NAV2: variants seen among roughly 807,000 people sequenced by gnomAD.
NAV2 encodes the protein helicase, APC down-regulated 1.
In NAV2, 54 loss-of-function variants were observed where a neutral mutation model predicts 223.2. The ratio of observed to expected loss-of-function variants is 0.24; its 90% confidence interval spans 0.19 to 0.30. NAV2 has a LOEUF of 0.30. Among genes scored for constraint, NAV2 ranks in the 10% least tolerant of loss-of-function variants. The pLI is 1.00. For missense variants in NAV2, 2,806 were observed against 3,147.5 expected (o/e 0.89, Z 2.60); for synonymous variants, 1,279 against 1,239.3 (o/e 1.03, Z -0.67).
At position 19,948,822 on chromosome 11, in the gene NAV2, A is replaced by G; in HGVS notation, c.2387A>G (p.Asp796Gly). Residue 796 changes from aspartate (D) to glycine (G), a missense_variant, in exon 10 of 38, where the codon GAC (aspartate) becomes GGC (glycine). This residue lies in a region of NAV2 where 1,167 missense variants were observed against 1,180.5 expected (regional missense o/e 0.99). Transcript: ENST00000349880. Reference protein sequence around the residue: ...GQSSPRLQAGDAPSMGNGYPP... With the variant: ...GQSSPRLQAGGAPSMGNGYPP... ...TCCAGCCCTCGGCTCCAAGCAGGAGACGCCCCCTCAATGGGCAATGGGTAT... is the reference window on the plus strand; with the variant it reads ...TCCAGCCCTCGGCTCCAAGCAGGAGGCGCCCCCTCAATGGGCAATGGGTAT... 6.2e-7 allele frequency: 1 copy of G among 1,613,812 alleles called. No homozygotes were observed. The highest frequency in any genetic ancestry group is 1.1e-5 in the South Asian group (1 of 91,054).
At chr11:19,731,448 G>A (rs145669534) in intron 1 of NAV2, among the ~76,000 whole-genome samples, 3 of 152,358 alleles carry the variant, frequency 2.0e-5, no homozygotes, top group African/African-American at 7.2e-5. Flanking sequence ...GACAGATGTA[G>A]GCTTTGCTCT....
At chr11:19,370,823 G>A (rs188462276) in intron 1 of NAV2, among the ~76,000 whole-genome samples, 19 of 152,318 alleles carry the variant, frequency 1.2e-4, no homozygotes, top group African/African-American at 4.6e-4. Flanking sequence ...ACATGCACCA[G>A]GAGACATGGC....
intron 11 of NAV2, among the ~76,000 whole-genome samples, chr11:20,018,714 G>A (rs1204810759): frequency 1.3e-5 from 2 of 152,156 alleles, no homozygotes; most frequent in Admixed American, 6.5e-5. Flanking sequence ...ACCTGTGCTC[G>A]AGGAGCTCCC....
At chr11:19,618,298 A>C (rs977765788) in intron 1 of NAV2, among the ~76,000 whole-genome samples, 3 of 150,674 alleles carry the variant, frequency 2.0e-5, no homozygotes, top group South Asian at 4.2e-4. Flanking sequence ...TGCTGGCTGG[A>C]TGGATTGCTG....
At chr11:19,633,536 G>T (rs986897349) in intron 1 of NAV2, among the ~76,000 whole-genome samples, 1 of 152,260 alleles carries the variant, frequency 6.6e-6, no homozygotes, top group African/African-American at 2.4e-5. Flanking sequence ...AGGGGAACCT[G>T]ACCCAACAGC....
rs866343618 is a variant in NAV2, at chr11:19,859,954, T to C, written c.439-8971T>C. Among the ~76,000 whole-genome samples, 210 of 61,100 alleles carry C rather than the reference T, an allele frequency of 3.4e-3. 1 individual carries two copies. The highest frequency in any genetic ancestry group is 0.017 in the Middle Eastern group (1 of 60). 40.1% of individuals were successfully genotyped at this position (61,100 alleles called of 152,430 possible). On this transcript the variant is annotated intron_variant, in intron 3 of 37. Transcript: ENST00000349880. The stretch of plus-strand genomic sequence containing the variant: ...CCCAGTAGGGGCGGCCGGGCAGAGG[T>C]GCCCCTCACCTCCCGGATGGGGCGG...
At chr11:19,633,803 C>A (rs2047414314) in intron 1 of NAV2, among the ~76,000 whole-genome samples, 1 of 152,186 alleles carries the variant, frequency 6.6e-6, no homozygotes, top group Non-Finnish European at 1.5e-5. Flanking sequence ...ACTGGGAGGA[C>A]CCCTGTTCAG....
At position 20,106,183 on chromosome 11, in the gene NAV2, G is replaced by GTATATATATATATA. The variant is rs1182631250; in HGVS notation, c.6841+490_6841+503dup. On this transcript the variant is annotated intron_variant, in intron 35 of 37. Transcript: ENST00000349880. ...TATATATATATATATATATGTGTGT[G>GTATATATATATATA]TATATATATATATATATATATATAT... 1.2e-4 allele frequency among the ~76,000 whole-genome samples: 3 copies of GTATATATATATATA among 25,522 alleles called. 1 individual carries two copies. The highest frequency in any genetic ancestry group is 1.9e-4 in the Non-Finnish European group (2 of 10,522). 16.7% of individuals were successfully genotyped at this position (25,522 alleles called of 152,430 possible). A position where few individuals can be genotyped will look rare whatever the true frequency, so the allele number is the denominator to read the frequency against.
intron 11 of NAV2, among the ~76,000 whole-genome samples, chr11:20,017,655 G>A (rs576511372): frequency 6.6e-6 from 1 of 152,228 alleles, no homozygotes; most frequent in African/African-American, 2.4e-5. Context: ...TCTAGTATCT[G>A]GCAAAGGTTT....
chr11:19,446,244 T>C (rs1345433299), intron 1 of NAV2, among the ~76,000 whole-genome samples: 1 of 152,216 alleles, frequency 6.6e-6, no homozygotes. Flanking sequence ...TCAGGGATCT[T>C]AGTTCTCTTG....
upstream of NAV2, among the ~76,000 whole-genome samples, chr11:19,708,244 C>T (rs2049731325): frequency 6.6e-6 from 1 of 152,204 alleles, no homozygotes; most frequent in African/African-American, 2.4e-5. Context: ...GGCCTCTCAA[C>T]TCAGCCACTA....
chr11:19,661,418 T>G (rs2048280154), intron 1 of NAV2, among the ~76,000 whole-genome samples: 1 of 152,176 alleles, frequency 6.6e-6, no homozygotes, highest in Non-Finnish European at 1.5e-5. Flanking sequence ...CTCGGTTTGA[T>G]GAGGTGATTC....
intron 1 of NAV2, among the ~76,000 whole-genome samples, chr11:19,428,246 C>T (rs150995603): frequency 2.6e-5 from 4 of 152,278 alleles, no homozygotes; most frequent in East Asian, 3.9e-4. Flanking sequence ...CACACATACA[C>T]GCATACCATT....
chr11:20,062,924 AC>A (rs1477728776), intron 20 of NAV2, among the ~76,000 whole-genome samples: 2 of 152,062 alleles, frequency 1.3e-5, no homozygotes, highest in Admixed American at 6.6e-5. Context: ...CAAACTCCTG[AC>A]CTTGTGATCC....
intron 1 of NAV2, among the ~76,000 whole-genome samples, chr11:19,826,195 T>C (rs567161149): frequency 6.6e-6 from 1 of 152,310 alleles, no homozygotes; most frequent in Non-Finnish European, 1.5e-5. Flanking sequence ...CTTTGTCCAA[T>C]CAGTTTCTAC....
At chr11:20,051,368 G>A (rs2057991057) in intron 17 of NAV2, 35 bp downstream of exon 17, 9 of 1,606,988 alleles carry the variant, frequency 5.6e-6, no homozygotes, top group Non-Finnish European at 7.7e-6. Context: ...TGTGCCATCT[G>A]TTGTGGCTTT....
chr11:19,697,226 T>G (rs904846586), intron 1 of NAV2, among the ~76,000 whole-genome samples: 4 of 152,158 alleles, frequency 2.6e-5, no homozygotes, highest in African/African-American at 9.7e-5. Context: ...AGCTAAGCAC[T>G]GAATACACAT....
intron 37 of NAV2, among the ~76,000 whole-genome samples, chr11:20,116,683 A>G (rs557721834): frequency 7.9e-5 from 12 of 152,248 alleles, no homozygotes; most frequent in Non-Finnish European, 1.6e-4. Flanking sequence ...TTGGAAATGC[A>G]GAAACAGATT....
chr11:19,557,328 G>T lies in NAV2; in HGVS notation c.75+206301G>T, dbSNP rs2044928610. 3.9e-5 allele frequency among the ~76,000 whole-genome samples: 6 copies of T among 152,232 alleles called. 1 individual carries two copies. Among genetic ancestry groups the T allele is most frequent in the Admixed American group, 3.9e-4 (6 of 15,292 alleles). ...AACCGAGGTGTATCATTCAAACCCA[G>T]ACTCTTACCTGTTAGATCCACTGAG... On this transcript the variant is annotated intron_variant, in intron 1 of 37. Transcript: ENST00000360655.
Sources: allele counts gnomAD v4.1 joint callset (sites outside exome capture counted in the v4.1 genomes callset), GRCh38; gene constraint gnomAD v4.1.1; regional missense constraint gnomAD v4.1.1; transcripts MANE v1.5; gene names NCBI Gene and HGNC (gene_info 2026-07-23, HGNC 2026-07-21).